UBQLN1: variants seen among roughly 807,000 people sequenced by gnomAD.
UBQLN1 encodes ubiquilin-1.
A neutral mutation model predicts 65.4 loss-of-function variants in UBQLN1; 13 were observed. The observed-to-expected ratio is 0.20, with a 90% CI of 0.13 to 0.32. UBQLN1 has a LOEUF of 0.32. UBQLN1 is among the 10% of genes least tolerant of loss of function. The pLI, the probability that UBQLN1 is intolerant of heterozygous loss-of-function variation, is 1.00. For synonymous variants in UBQLN1, 267 were observed against 247.8 expected (o/e 1.08, Z -0.73); for missense variants, 561 against 724.0 (o/e 0.77, Z 2.58).
At chr9:83,699,189 C>T (rs112105058) in intron 1 of UBQLN1, among the ~76,000 whole-genome samples, 113 of 152,268 alleles carry the variant, frequency 7.4e-4, no homozygotes, top group African/African-American at 2.7e-3. Flanking sequence ...AATTGTACAA[C>T]AATGTGAATG....
At chr9:83,682,506 C>A (rs1221803266) in intron 3 of UBQLN1, among the ~76,000 whole-genome samples, 1 of 143,150 alleles carries the variant, frequency 7.0e-6, no homozygotes, top group South Asian at 2.2e-4. Flanking sequence ...AACAAACAAA[C>A]AAAAACTAAT....
intron 3 of UBQLN1, among the ~76,000 whole-genome samples, chr9:83,681,811 T>C (rs1564166140): frequency 6.6e-6 from 1 of 152,194 alleles, no homozygotes; most frequent in Non-Finnish European, 1.5e-5. Flanking sequence ...GGCCAAAGTA[T>C]AGCAGGTTCA....
chr9:83,694,324 T>C (rs1832174412), intron 1 of UBQLN1, among the ~76,000 whole-genome samples: 1 of 152,190 alleles, frequency 6.6e-6, no homozygotes, highest in African/African-American at 2.4e-5. Flanking sequence ...AAGGCAGAGA[T>C]CCTTCAAGAG....
In UBQLN1 at chr9:83,707,715, G is replaced by A. The variant is rs769814855; in HGVS notation, c.-36C>T. ...GCGGCGGCGGCGGTGACTCAGGCAA[G>A]CAGGAGGGAGCAGGCGAGCAAGGAG... On this transcript the variant is annotated 5_prime_UTR_variant, in exon 1 of 11. Coordinates refer to ENST00000376395, the MANE Select transcript of UBQLN1 (RefSeq NM_013438.5). 45 of 1,516,250 alleles carry A rather than the reference G, an allele frequency of 3.0e-5. No individual in the cohort carries two copies. In the South Asian group the frequency reaches 5.2e-4, roughly 18 times the overall value. The allele number at this position is 1,516,250 out of a possible 1,614,324, so 93.9% of individuals were successfully genotyped here. A position where few individuals can be genotyped will look rare whatever the true frequency, so the allele number is the denominator to read the frequency against.
intron 9 of UBQLN1, among the ~76,000 whole-genome samples, chr9:83,664,331 A>G (rs1280103142): frequency 6.6e-6 from 1 of 152,118 alleles, no homozygotes; most frequent in Non-Finnish European, 1.5e-5. Flanking sequence ...AGGTAAGAGG[A>G]TTGCTTTAGC....
chr9:83,680,481 C>T (rs1462200226), intron 3 of UBQLN1, among the ~76,000 whole-genome samples: 1 of 152,038 alleles, frequency 6.6e-6, no homozygotes. Flanking sequence ...AAACTTTCAG[C>T]CCCACCCACC....
chr9:83,689,751 G>A (rs1045125714), intron 1 of UBQLN1, among the ~76,000 whole-genome samples: 4 of 152,100 alleles, frequency 2.6e-5, no homozygotes, highest in African/African-American at 9.7e-5. Flanking sequence ...AGAGTAAAAA[G>A]ATAAGCCCTT....
chr9:83,696,730 A>G (rs1832222177), intron 1 of UBQLN1, among the ~76,000 whole-genome samples: 2 of 152,070 alleles, frequency 1.3e-5, no homozygotes, highest in Admixed American at 1.3e-4. Flanking sequence ...ATACTTGTCT[A>G]CTCAGTGTGT....
chr9:83,669,248 C>A lies in UBQLN1; in HGVS notation c.1185G>T (p.Leu395Phe), dbSNP rs955474660. Residue 395 changes from leucine to phenylalanine, a missense_variant, in exon 7 of 11, where the codon TTG becomes TTT. Around this residue, in one of 8 missense-constraint regions of UBQLN1, gnomAD observed 102 missense variants for 150.7 expected, o/e 0.68. Coordinates refer to ENST00000376395, the MANE Select transcript of UBQLN1 (RefSeq NM_013438.5). ...TCATGCTTCTCATGTAGGGGGCAGA[C>A]AACATGTTTTGCATCAGTTGTGGGT... ...TENPQLMQNM[L>F]SAPYMRSMMQ... is the part of the protein sequence containing the mutation. The A allele has an allele frequency of 3.1e-6, 5 of 1,612,520 alleles. No homozygotes were observed. Among genetic ancestry groups the A allele is most frequent in the South Asian group, 1.1e-5 (1 of 90,794 alleles).
chr9:83,662,387 A>G (rs560398834), intron 10 of UBQLN1, among the ~76,000 whole-genome samples: 7 of 152,258 alleles, frequency 4.6e-5, no homozygotes, highest in Non-Finnish European at 8.8e-5. Flanking sequence ...ATCCTCATGT[A>G]TAAAATTCTA....
chr9:83,706,972 G>A (rs1301520154), intron 1 of UBQLN1, among the ~76,000 whole-genome samples: 3 of 152,074 alleles, frequency 2.0e-5, no homozygotes, highest in Non-Finnish European at 4.4e-5. Context: ...GTTGCAAGGT[G>A]GGAAAGATTT....
chr9:83,682,892 C>G lies in UBQLN1; in HGVS notation c.448+59G>C, dbSNP rs1464122601. The G allele has an allele frequency of 9.1e-6, 8 of 877,942 alleles. No individual in the cohort carries two copies. The East Asian group carries it at 2.0e-4, about 21-fold the overall frequency. The allele number at this position is 877,942 out of a possible 1,614,324, so 54.4% of individuals were successfully genotyped here. On this transcript the variant is annotated intron_variant, in intron 3 of 10. Coordinates refer to ENST00000376395, the MANE Select transcript of UBQLN1 (RefSeq NM_013438.5). ...TATTTTCTCATTTTATCTGAAACTA[C>G]CCAGGAAGGGAAAGGAGTATTTTTT... is the stretch of plus-strand genomic sequence containing the variant.
intron 6 of UBQLN1, among the ~76,000 whole-genome samples, chr9:83,674,786 T>G (rs1191508164): frequency 6.6e-6 from 1 of 152,194 alleles, no homozygotes; most frequent in East Asian, 1.9e-4. Flanking sequence ...AAGTCTGAAG[T>G]GACCGGAAAA....
rs1832106628 is a variant in UBQLN1, at chr9:83,690,357, A to C, written c.181-4202T>G. Among the ~76,000 whole-genome samples the C allele has an allele frequency of 3.9e-5, 6 of 152,078 alleles. No homozygotes were observed. In the South Asian group the frequency reaches 1.2e-3, roughly 32 times the overall value. ...TAAATTGTATGATTTCATTTATGTG[A>C]GTTTTTTCGTTTTTTTAAGGGTTGG... On this transcript the variant is annotated intron_variant, in intron 1 of 10. Coordinates refer to ENST00000376395, the MANE Select transcript of UBQLN1 (RefSeq NM_013438.5).
chr9:83,680,507 G>C (rs1252133346), intron 3 of UBQLN1, among the ~76,000 whole-genome samples: 2 of 152,008 alleles, frequency 1.3e-5, no homozygotes, highest in Non-Finnish European at 2.9e-5. Context: ...AGTAAGGGTA[G>C]GGAGGTGGAG....
chr9:83,672,285 C>G (rs1343473355), intron 6 of UBQLN1, among the ~76,000 whole-genome samples: 1 of 152,184 alleles, frequency 6.6e-6, no homozygotes, highest in Non-Finnish European at 1.5e-5. Context: ...TAATTTTCTT[C>G]AAGAACTTTT....
rs73476342 is a variant in UBQLN1, at chr9:83,664,137, T to C, written c.1449-94A>G. On this transcript the variant is annotated intron_variant, in intron 9 of 10. Coordinates refer to ENST00000376395, the MANE Select transcript of UBQLN1 (RefSeq NM_013438.5). ...ACATTTTAATATAAGCTAAGCCATC[T>C]TCTTAAAATAAGCCCTTTTGGCCTG... The C allele has an allele frequency of 3.0e-3, 4,176 of 1,400,222 alleles. 74 individuals are homozygous for C. The African/African-American group carries it at 0.04, about 13-fold the overall frequency. 86.7% of individuals were successfully genotyped at this position (1,400,222 alleles called of 1,614,324 possible).
At chr9:83,707,165 G>A (rs1010170485) in intron 1 of UBQLN1, among the ~76,000 whole-genome samples, 4 of 152,098 alleles carry the variant, frequency 2.6e-5, no homozygotes, top group African/African-American at 7.2e-5. Context: ...GGAGGCTGGC[G>A]GTGGGTCCCT....
At chr9:83,673,556 A>C (rs1277651606) in intron 6 of UBQLN1, among the ~76,000 whole-genome samples, 11 of 80,294 alleles carry the variant, frequency 1.4e-4, no homozygotes, top group East Asian at 1.1e-3. Flanking sequence ...TAAAAAAAAA[A>C]AAAAAAAAAA....
Sources: allele counts gnomAD v4.1 joint callset (sites outside exome capture counted in the v4.1 genomes callset), GRCh38; gene constraint gnomAD v4.1.1; regional missense constraint gnomAD v4.1.1; transcripts MANE v1.5; gene names NCBI Gene and HGNC (gene_info 2026-07-23, HGNC 2026-07-21).